The following NCOR1 variants were observed in gnomAD, a reference collection of about 807,000 sequenced individuals.
NCOR1 encodes the protein protein phosphatase 1, regulatory subunit 109.
A neutral mutation model predicts 288.1 loss-of-function variants in NCOR1; 63 were observed. The ratio of observed to expected loss-of-function variants is 0.22; its 90% confidence interval spans 0.18 to 0.27. The LOEUF is 0.27. Among genes scored for constraint, NCOR1 ranks in the 10% least tolerant of loss-of-function variants. The pLI is 1.00. For synonymous variants in NCOR1, 1,007 were observed against 1,065.9 expected, an observed-to-expected ratio of 0.94 and a Z score of 1.08; for missense variants, 2,397 against 3,019.2, an observed-to-expected ratio of 0.79 and a Z score of 4.83.
chr17:16,119,242 T>C (rs77546176), intron 17 of NCOR1, among the ~76,000 whole-genome samples, 181 bp downstream of exon 17: 1 of 152,152 alleles, frequency 6.6e-6, no homozygotes, highest in Admixed American at 6.5e-5. Context: ...CAAGGCACAC[T>C]GGGGGTACTT....
At chr17:16,174,907 A>C (rs2083812103) in intron 3 of NCOR1, among the ~76,000 whole-genome samples, 1 of 152,194 alleles carries the variant, frequency 6.6e-6, no homozygotes, top group Admixed American at 6.5e-5. Context: ...AACTAACAGA[A>C]AGGAAAATAT....
chr17:16,035,618 A>C (rs1974290677), intron 44 of NCOR1, among the ~76,000 whole-genome samples: 1 of 146,908 alleles, frequency 6.8e-6, no homozygotes, highest in Admixed American at 7.0e-5. Context: ...TTACCAGCTC[A>C]CTAAAGCCTC....
intron 1 of NCOR1, among the ~76,000 whole-genome samples, chr17:16,213,486 T>A (rs1324176697): frequency 3.4e-5 from 1 of 29,622 alleles, no homozygotes; most frequent in Non-Finnish European, 7.8e-5. Context: ...AGCAAGACTG[T>A]CTCAAAAAAA....
At chr17:16,215,317 G>A (rs1343012085) in intron 1 of NCOR1, 45 bp downstream of exon 1, 3 of 390,914 alleles carry the variant, frequency 7.7e-6, no homozygotes, top group African/African-American at 4.1e-5. Context: ...CCCCGGACTA[G>A]CAGGAGCCCG....
intron 18 of NCOR1, among the ~76,000 whole-genome samples, chr17:16,116,295 C>T (rs1254494420): frequency 1.3e-5 from 2 of 152,188 alleles, no homozygotes; most frequent in African/African-American, 4.8e-5. Flanking sequence ...ATTATAACAT[C>T]ATGAAATGGC....
intron 1 of NCOR1, among the ~76,000 whole-genome samples, chr17:16,195,524 T>C (rs2089594244): frequency 6.6e-6 from 1 of 152,126 alleles, no homozygotes; most frequent in South Asian, 2.1e-4. Context: ...TTATAAAGTA[T>C]ATTCCTACTT....
intron 10 of NCOR1, among the ~76,000 whole-genome samples, chr17:16,145,674 G>T (rs1164522951): frequency 6.6e-6 from 1 of 151,956 alleles, no homozygotes; most frequent in East Asian, 1.9e-4. Flanking sequence ...CCGGGAGGTG[G>T]GGGGCAGCCC....
chr17:16,090,889 T>C (rs1312854025), intron 22 of NCOR1, among the ~76,000 whole-genome samples: 1 of 152,170 alleles, frequency 6.6e-6, no homozygotes, highest in East Asian at 1.9e-4. Flanking sequence ...ATAGCTCTTA[T>C]TTAGCTAAAT....
At chr17:16,148,221 C>T (rs1947079054) in intron 9 of NCOR1, among the ~76,000 whole-genome samples, 1 of 152,220 alleles carries the variant, frequency 6.6e-6, no homozygotes, top group Non-Finnish European at 1.5e-5. Flanking sequence ...TCTCACCACA[C>T]TGCCAGCTCA....
chr17:16,174,294 C>CT (rs1402920615), intron 3 of NCOR1, among the ~76,000 whole-genome samples: 1 of 152,192 alleles, frequency 6.6e-6, no homozygotes, highest in African/African-American at 2.4e-5. Context: ...TTAAAGCTTA[C>CT]TACAAAGCTA....
At chr17:16,166,670 A>C (rs1005901015) in intron 4 of NCOR1, among the ~76,000 whole-genome samples, 2 of 151,442 alleles carry the variant, frequency 1.3e-5, no homozygotes, top group Non-Finnish European at 2.9e-5. Flanking sequence ...ACAGAGCAAG[A>C]CTCCATCTCA....
intron 34 of NCOR1, 120 bp downstream of exon 34, chr17:16,064,743 ATTAAATG>A: frequency 1.1e-6 from 1 of 904,060 alleles, no homozygotes; most frequent in Non-Finnish European, 1.6e-6. Context: ...AAGAACTACT[ATTAAATG>A]TTAAAAGAAA....
At chr17:16,135,014 C>G (rs1363341724) in intron 14 of NCOR1, among the ~76,000 whole-genome samples, 2 of 151,866 alleles carry the variant, frequency 1.3e-5, no homozygotes, top group Non-Finnish European at 2.9e-5. Flanking sequence ...AAAAAATGAA[C>G]CAGATGTGGT....
intron 9 of NCOR1, among the ~76,000 whole-genome samples, chr17:16,148,512 A>T (rs894626674): frequency 1.3e-5 from 2 of 152,052 alleles, no homozygotes; most frequent in African/African-American, 4.8e-5. Flanking sequence ...CAGCCAAGTG[A>T]TATTTAAGCA....
rs2063227225 is a variant in NCOR1 at position 16,080,499 on chromosome 17, G to A, written c.3309C>T (p.Pro1103=). 5.6e-6 allele frequency: 9 copies of A among 1,614,082 alleles called. No individual in the cohort carries two copies. The highest frequency in any genetic ancestry group is 2.7e-5 in the African/African-American group (2 of 75,010). Residue 1103 remains proline, a synonymous_variant, in exon 25 of 46, where the codon CCC becomes CCT. Transcript: ENST00000268712. The part of the protein sequence containing the change: ...QQESAKSATL[P]YIKQEEFSPR... ...GAGAAAATTCTTCCTGCTTGATGTA[G>A]GGCAAAGTAGCTGTGGAAAGGCAGA...
chr17:16,129,010 C>T (rs1473700486), intron 14 of NCOR1, among the ~76,000 whole-genome samples: 1 of 152,170 alleles, frequency 6.6e-6, no homozygotes, highest in African/African-American at 2.4e-5. Context: ...TATGGAATGA[C>T]TTCTTAAATA....
Position 16,101,532 on chromosome 17 carries a change from T to C in NCOR1, c.2408A>G (p.His803Arg), listed in dbSNP as rs1302541547. 3 of 1,614,180 alleles carry C rather than the reference T, an allele frequency of 1.9e-6. No homozygotes were observed. Among genetic ancestry groups the C allele is most frequent in the Non-Finnish European group, 2.5e-6 (3 of 1,180,000 alleles). ...AEQMDVDQQE[H>R]SAEEGSVCDP... ...ACAAACAGAACCCTCTTCAGCACTG[T>C]GCTCCTGCTGATCTACATCCATCTG... is the stretch of plus-strand genomic sequence containing the variant. The change falls in exon 20 of 46, where the codon CAC becomes CGC. Residue 803 changes from histidine to arginine, a missense_variant. By Grantham distance (29) the His-to-Arg change is conservative. This residue lies in a region of NCOR1 where 1,872 missense variants were observed against 2,187.8 expected (regional missense o/e 0.86). Transcript: ENST00000268712.
intron 34 of NCOR1, among the ~76,000 whole-genome samples, chr17:16,064,638 AAAG>A (rs1454952352): frequency 1.3e-5 from 2 of 152,044 alleles, no homozygotes; most frequent in African/African-American, 4.8e-5. Context: ...GAAAAGAGAA[AAAG>A]AAGTTTGTTT....
intron 42 of NCOR1, chr17:16,044,727 G>A (rs2058371739): frequency 1.4e-6 from 1 of 740,050 alleles, no homozygotes; most frequent in South Asian, 1.3e-5. Context: ...AAAGCAGCTG[G>A]TGTAAATGTT....
Sources: gnomAD v4.1 joint callset for allele counts (sites outside exome capture counted in the v4.1 genomes callset) on GRCh38, gnomAD v4.1.1 for gene constraint, gnomAD v4.1.1 regional missense constraint, MANE v1.5 for transcripts, NCBI Gene and HGNC (gene_info 2026-07-23, HGNC 2026-07-21) for gene names.